Variants in PARP16 observed in about 807,000 individuals in gnomAD.
PARP16 encodes poly(ADP-ribose) polymerase family member 16, also known as protein mono-ADP-ribosyltransferase PARP16.
PARP16 carries 31 observed loss-of-function variants against 35.0 expected under a neutral mutation model. The observed-to-expected ratio is 0.88, with a 90% CI of 0.66 to 1.19. PARP16 has a LOEUF of 1.19. Ranked by LOEUF, PARP16 falls within the 50% of genes most tolerant of loss-of-function variation. PARP16 has a pLI of 0.00. For synonymous variants in PARP16, 162 were observed against 169.5 expected (o/e 0.96, Z 0.34); for missense variants, 424 against 411.2 (o/e 1.03, Z -0.27).
intron 3 of PARP16, among the ~76,000 whole-genome samples, chr15:65,265,475 AC>A (rs2089858903): frequency 1.3e-5 from 2 of 152,060 alleles, no homozygotes; most frequent in African/African-American, 4.8e-5. Flanking sequence ...CTCCTCCTAT[AC>A]CTGAGGGGTA....
chr15:65,264,951 G>A (rs1039441673), intron 3 of PARP16, among the ~76,000 whole-genome samples: 1 of 152,214 alleles, frequency 6.6e-6, no homozygotes, highest in Non-Finnish European at 1.5e-5. Flanking sequence ...AGTATAATCT[G>A]CAGGCAACTT....
rs567632122 is a variant in PARP16 at position 65,276,325 on chromosome 15, C to T, written c.175-5253G>A. ...GTTGCCATTTAAAATACGCTCTGCC[C>T]GGTTAAATTTGAATTTCAGATAAAC... On this transcript the variant is annotated intron_variant, in intron 1 of 5. Transcript: ENST00000649807. 7.9e-5 allele frequency among the ~76,000 whole-genome samples: 12 copies of T among 152,182 alleles called. No homozygotes were observed. The South Asian group carries it at 1.5e-3, about 18-fold the overall frequency.
chr15:65,247,912 T>C (rs1477071284), intron 3 of PARP16, among the ~76,000 whole-genome samples: 1 of 151,706 alleles, frequency 6.6e-6, no homozygotes, highest in African/African-American at 2.4e-5. Context: ...TCATGCCATT[T>C]TCCTGTCTCA....
chr15:65,286,215 A>T (rs1213392833), intron 1 of PARP16, 38 bp downstream of exon 1: 8 of 1,498,932 alleles, frequency 5.3e-6, no homozygotes, highest in Non-Finnish European at 7.1e-6. Flanking sequence ...CACTTGGTCC[A>T]GGACGCAGTG....
intron 3 of PARP16, among the ~76,000 whole-genome samples, chr15:65,245,773 C>T (rs1301568665): frequency 6.6e-6 from 1 of 152,132 alleles, no homozygotes; most frequent in Non-Finnish European, 1.5e-5. Flanking sequence ...TTACAGGGAC[C>T]CTGGCCGTCA....
chr15:65,255,818 C>G (rs1353991913), downstream of PARP16, among the ~76,000 whole-genome samples: 1 of 151,446 alleles, frequency 6.6e-6, no homozygotes, highest in Non-Finnish European at 1.5e-5. Context: ...ATGAGAGGCC[C>G]ACTCCTCAGC....
At chr15:65,248,330 G>A (rs1378806675) in intron 2 of PARP16, 1 of 454,584 alleles carries the variant, frequency 2.2e-6, no homozygotes, top group African/African-American at 2.0e-5. Flanking sequence ...GCACAAATAG[G>A]CATATGTGCT....
chr15:65,242,446 A>T (rs2089105718), intron 3 of PARP16, among the ~76,000 whole-genome samples: 1 of 152,070 alleles, frequency 6.6e-6, no homozygotes, highest in Non-Finnish European at 1.5e-5. Context: ...TTGAATCTAT[A>T]TGCCAATTTC....
chr15:65,272,694 G>A (rs1351254453), intron 1 of PARP16, among the ~76,000 whole-genome samples: 3 of 152,110 alleles, frequency 2.0e-5, no homozygotes, highest in African/African-American at 7.2e-5. Context: ...GAACTGTCTT[G>A]TGTTTTTCCA....
At chr15:65,240,762 A>G (rs564007489) in intron 3 of PARP16, among the ~76,000 whole-genome samples, 1 of 152,024 alleles carries the variant, frequency 6.6e-6, no homozygotes, top group Non-Finnish European at 1.5e-5. Context: ...TCTTGGGTAA[A>G]TACCTAGGAG....
chr15:65,254,023 G>A (rs1031686433), downstream of PARP16, among the ~76,000 whole-genome samples: 7 of 151,806 alleles, frequency 4.6e-5, no homozygotes, highest in African/African-American at 7.3e-5. Context: ...TCACCATGTT[G>A]GCCAGGATGG....
chr15:65,276,045 C>T lies in PARP16; in HGVS notation c.175-4973G>A, dbSNP rs181580902. 9.1e-4 allele frequency among the ~76,000 whole-genome samples: 139 copies of T among 152,292 alleles called. 1 individual carries two copies. In the East Asian group the frequency reaches 0.019, roughly 20 times the overall value. ...GGGAGAGATGCCTCCTAGCTCCAAG[C>T]TGGACCCAGGCCTCTTCCCGGCCCT... On this transcript the variant is annotated intron_variant, in intron 1 of 5. Transcript: ENST00000649807.
intron 3 of PARP16, among the ~76,000 whole-genome samples, chr15:65,237,960 T>C (rs1309257610): frequency 6.6e-6 from 1 of 152,224 alleles, no homozygotes; most frequent in Non-Finnish European, 1.5e-5. Context: ...TGTCCCTACA[T>C]GATCTCATCC....
intron 3 of PARP16, among the ~76,000 whole-genome samples, chr15:65,240,321 C>CGTG (rs1357912485): frequency 8.2e-5 from 5 of 61,264 alleles, no homozygotes; most frequent in Non-Finnish European, 1.2e-4. Context: ...GTGGGGGGGG[C>CGTG]TAGTGTGTGT....
At chr15:65,268,631 C>T (rs919374651) in intron 2 of PARP16, among the ~76,000 whole-genome samples, 1 of 152,174 alleles carries the variant, frequency 6.6e-6, no homozygotes, top group Non-Finnish European at 1.5e-5. Context: ...TTTTCATAGA[C>T]AGAGGGTCTT....
At chr15:65,274,407 C>A (rs1351794248) in intron 1 of PARP16, among the ~76,000 whole-genome samples, 1 of 151,830 alleles carries the variant, frequency 6.6e-6, no homozygotes, top group African/African-American at 2.4e-5. Flanking sequence ...CAAAACAAAA[C>A]AAACAAACAA....
chr15:65,266,670 T>C lies in PARP16; in HGVS notation c.411A>G (p.Lys137=). ...EIEYFDPANA[K]FYETKGERDL... is the part of the protein sequence containing the mutation. ...CTCGTTCTCCTTTGGTCTCATAAAA[T>C]TTGGCGTTGGCTGGGTCAAAGTACT... Residue 137 remains lysine, a synonymous_variant, in exon 3 of 6, where the codon AAA becomes AAG. Transcript: ENST00000649807. 2 of 1,614,118 alleles carry C rather than the reference T, an allele frequency of 1.2e-6. No homozygotes were observed. Among genetic ancestry groups the C allele is most frequent in the Non-Finnish European group, 1.7e-6 (2 of 1,180,010 alleles).
intron 5 of PARP16, 86 bp downstream of exon 5, chr15:65,260,799 G>A (rs564159623): frequency 8.0e-7 from 1 of 1,256,718 alleles, no homozygotes. Flanking sequence ...GGAGGTCTAA[G>A]GCTGGGGGAG....
intron 4 of PARP16, among the ~76,000 whole-genome samples, chr15:65,262,490 G>C (rs2089763250): frequency 1.3e-5 from 2 of 152,294 alleles, no homozygotes; most frequent in Non-Finnish European, 1.5e-5. Flanking sequence ...CTGCCTTTGA[G>C]GAGAGCCACA....
Sources: allele counts gnomAD v4.1 joint callset (sites outside exome capture counted in the v4.1 genomes callset), GRCh38; gene constraint gnomAD v4.1.1; transcripts MANE v1.5; gene names NCBI Gene and HGNC (gene_info 2026-07-23, HGNC 2026-07-21).